Variants in SFXN5 observed in about 807,000 individuals in gnomAD.
SFXN5 encodes sideroflexin-5.
A neutral mutation model predicts 50.2 loss-of-function variants in SFXN5; 43 were observed. The observed-to-expected ratio is 0.86, with a 90% CI of 0.67 to 1.11. The LOEUF (loss-of-function observed/expected upper bound fraction) is 1.11. Among genes scored for constraint, SFXN5 ranks in the 50% least tolerant of loss-of-function variants. The pLI is 0.00. For synonymous variants in SFXN5, 203 were observed against 185.8 expected (o/e 1.09, Z -0.75); for missense variants, 463 against 454.1 (o/e 1.02, Z -0.18).
rs779834270 is a variant in SFXN5, at chr2:73,000,426, C to A, written c.468+5G>T. 1 of 1,556,030 alleles carries A rather than the reference C, an allele frequency of 6.4e-7. No individual in the cohort carries two copies. The highest frequency in any genetic ancestry group is 1.2e-5 in the South Asian group (1 of 84,400). On this transcript the variant is annotated splice_donor_5th_base_variant and intron_variant, in intron 8 of 13. Coordinates refer to ENST00000272433, the MANE Select transcript of SFXN5 (RefSeq NM_144579.3). ...CACCACTGGGGAGAGGGCAGTGATG[C>A]TCACCTTGGTCGCATTGCGGTTTGC...
intron 1 of SFXN5, among the ~76,000 whole-genome samples, chr2:73,066,895 T>C (rs999847649): frequency 6.6e-6 from 1 of 151,628 alleles, no homozygotes. Context: ...AAAAAATACA[T>C]ATAGCCACGC....
intron 1 of SFXN5, chr2:73,071,132 G>C (rs1280292407): frequency 6.4e-6 from 1 of 155,818 alleles, no homozygotes; most frequent in Non-Finnish European, 1.4e-5. Flanking sequence ...GCTGCCCGGC[G>C]GCACCGCCAG....
At chr2:72,956,502 C>G (rs1460814527) in intron 13 of SFXN5, among the ~76,000 whole-genome samples, 1 of 151,886 alleles carries the variant, frequency 6.6e-6, no homozygotes, top group Non-Finnish European at 1.5e-5. Flanking sequence ...AGTGGGCCTC[C>G]TCTTTCTATA....
chr2:73,010,916 A>G (rs1423167612), intron 6 of SFXN5, among the ~76,000 whole-genome samples: 1 of 152,242 alleles, frequency 6.6e-6, no homozygotes, highest in Non-Finnish European at 1.5e-5. Flanking sequence ...AGCACTAAAC[A>G]CTTTCATTAG....
chr2:73,071,471 C>G (rs1445924786), intron 1 of SFXN5, 133 bp downstream of exon 1: 1 of 729,834 alleles, frequency 1.4e-6, no homozygotes, highest in South Asian at 1.9e-5. Context: ...GACCGAGGTT[C>G]CCCCCCTGGC....
Position 72,960,250 on chromosome 2 carries a change from C to T in SFXN5, c.945+881G>A, listed in dbSNP as rs1233453314. ...CCCGCGTGTCCATCCAACTGACCCACTGCCCTCCCTCGAACCTGCCCCCGC... is the reference window on the plus strand; with the variant it reads ...CCCGCGTGTCCATCCAACTGACCCATTGCCCTCCCTCGAACCTGCCCCCGC... On this transcript the variant is annotated intron_variant, in intron 13 of 13. Transcript: ENST00000272433. The surrounding 1 kb of genome is among the most constrained non-coding windows in gnomAD (Gnocchi z 6.1). Among the ~76,000 whole-genome samples the T allele has an allele frequency of 6.6e-6, 1 of 152,146 alleles. No homozygotes were observed. Among genetic ancestry groups the T allele is most frequent in the South Asian group, 2.1e-4 (1 of 4,828 alleles).
chr2:73,071,312 C>T (rs1486106109), intron 1 of SFXN5: 2 of 422,136 alleles, frequency 4.7e-6, no homozygotes, highest in East Asian at 4.8e-5. Flanking sequence ...GGACCTTGAC[C>T]GCAGCCGCCG....
At chr2:73,008,437 C>T (rs953926614) in intron 6 of SFXN5, among the ~76,000 whole-genome samples, 4 of 152,132 alleles carry the variant, frequency 2.6e-5, no homozygotes, top group Admixed American at 6.5e-5. Flanking sequence ...GGGAGAGCCC[C>T]AGGCCCATGA....
chr2:72,981,121 G>A (rs1363816061), intron 10 of SFXN5: 1 of 152,100 alleles, frequency 6.6e-6, no homozygotes, highest in Non-Finnish European at 1.5e-5. Flanking sequence ...TCAAATCCAG[G>A]AGTCAGGCAG....
Position 72,961,230 on chromosome 2 carries a change from T to C in SFXN5, c.846A>G (p.Ala282=). ...SMLEKTALLQ[A]RPRLLLPVQS... The stretch of plus-strand genomic sequence containing the variant: ...GCACAGGGAGGAGCAGCCGGGGGCG[T>C]GCCTGCAGGAGAGCCGTCCTGTGAG... Residue 282 remains alanine (A), a synonymous_variant, in exon 13 of 14, where the codon GCA becomes GCG. Coordinates refer to ENST00000272433, the MANE Select transcript of SFXN5 (RefSeq NM_144579.3). This position sits in a 1 kb window ranked among gnomAD's most constrained non-coding sequence, Gnocchi z 4.4. 6.5e-7 allele frequency: 1 copy of C among 1,536,560 alleles called. No individual in the cohort carries two copies. Among genetic ancestry groups the C allele is most frequent in the Admixed American group, 2.2e-5 (1 of 46,392 alleles).
intron 6 of SFXN5, among the ~76,000 whole-genome samples, chr2:73,012,277 G>A (rs1234592741): frequency 6.6e-6 from 1 of 152,066 alleles, no homozygotes; most frequent in Non-Finnish European, 1.5e-5. Flanking sequence ...TGGTTGTATT[G>A]TTTAAATTCT....
intron 13 of SFXN5, among the ~76,000 whole-genome samples, chr2:72,954,978 G>C (rs1396784245): frequency 6.6e-6 from 1 of 152,208 alleles, no homozygotes; most frequent in African/African-American, 2.4e-5. Flanking sequence ...TTGAGGTTAA[G>C]ACCCAAGGTC....
chr2:72,947,181 G>A (rs916610138), intron 13 of SFXN5, among the ~76,000 whole-genome samples: 16 of 152,196 alleles, frequency 1.1e-4, no homozygotes, highest in African/African-American at 1.4e-4. Context: ...CTGAGGCAGC[G>A]GACGTGCGGA....
At chr2:73,056,992 C>A (rs1559215628) in intron 2 of SFXN5, among the ~76,000 whole-genome samples, 1 of 152,134 alleles carries the variant, frequency 6.6e-6, no homozygotes, top group Non-Finnish European at 1.5e-5. Flanking sequence ...TAGTTTTATT[C>A]ATAATAGCCA....
intron 2 of SFXN5, among the ~76,000 whole-genome samples, chr2:73,055,311 G>A (rs925584922): frequency 6.6e-6 from 1 of 152,202 alleles, no homozygotes; most frequent in Non-Finnish European, 1.5e-5. Context: ...GGAGACAAGG[G>A]TCCCCGGGTT....
chr2:73,008,061 G>A (rs549233914), intron 6 of SFXN5, among the ~76,000 whole-genome samples: 3 of 152,254 alleles, frequency 2.0e-5, no homozygotes, highest in African/African-American at 4.8e-5. Context: ...GGGATGAGGC[G>A]GCTTGGGAGA....
intron 13 of SFXN5, among the ~76,000 whole-genome samples, chr2:72,946,070 C>T (rs1671898154): frequency 6.6e-6 from 1 of 151,928 alleles, no homozygotes; most frequent in Non-Finnish European, 1.5e-5. Context: ...GCCCTCCTCC[C>T]ACCCCACAGC....
chr2:73,000,448 T>C lies in SFXN5; in HGVS notation c.451A>G (p.Asn151Asp). 2 of 1,559,982 alleles carry C rather than the reference T, an allele frequency of 1.3e-6. No individual in the cohort carries two copies. The highest frequency in any genetic ancestry group is 1.7e-6 in the Non-Finnish European group (2 of 1,150,536). The change falls in exon 8 of 14, where the codon AAC (asparagine) becomes GAC (aspartate). Residue 151 changes from asparagine (N) to aspartate (D), a missense_variant. Coordinates refer to ENST00000272433, the MANE Select transcript of SFXN5 (RefSeq NM_144579.3). ...QSHNACVNYA[N>D]RNATKPSPAS... ...ATGCTCACCTTGGTCGCATTGCGGTTTGCATAGTTGACACAGGCATTGTGG... is the reference window on the plus strand; with the variant it reads ...ATGCTCACCTTGGTCGCATTGCGGTCTGCATAGTTGACACAGGCATTGTGG...
At position 73,059,196 on chromosome 2, in the gene SFXN5, G is replaced by C. The variant is rs868147011; in HGVS notation, c.103-600C>G. 12 of 986,150 alleles carry C rather than the reference G, an allele frequency of 1.2e-5. No homozygotes were observed. In the African/African-American group the frequency reaches 1.7e-4, roughly 14 times the overall value. The allele number at this position is 986,150 out of a possible 1,614,324, so 61.1% of individuals were successfully genotyped here. Reference sequence around the variant, plus strand: ...CCAGAGCAGGGGCCGTGGAAAAGGAGGGCTTTATGCTAAGCGCAGCCACAG... The same window carrying C: ...CCAGAGCAGGGGCCGTGGAAAAGGACGGCTTTATGCTAAGCGCAGCCACAG... On this transcript the variant is annotated intron_variant, in intron 1 of 13. Coordinates refer to ENST00000272433, the MANE Select transcript of SFXN5 (RefSeq NM_144579.3).
Sources: gnomAD v4.1 joint callset for allele counts (sites outside exome capture counted in the v4.1 genomes callset) on GRCh38, gnomAD v4.1.1 for gene constraint, Gnocchi (gnomAD v3.1) non-coding constraint, MANE v1.5 for transcripts, NCBI Gene and HGNC (gene_info 2026-07-23, HGNC 2026-07-21) for gene names.